The following NEGR1 variants were observed in gnomAD, a reference collection of about 807,000 sequenced individuals.
NEGR1 encodes the protein IgLON family member 4.
Under a neutral mutation model 40.9 loss-of-function variants are expected in NEGR1, and 10 were observed. That is an observed-to-expected ratio of 0.24 (90% CI 0.15 to 0.42). The LOEUF (loss-of-function observed/expected upper bound fraction) is 0.42, where lower values mean the gene tolerates loss of function less well. Among genes scored for constraint, NEGR1 ranks in the 10% least tolerant of loss-of-function variants. The pLI, the probability that NEGR1 is intolerant of heterozygous loss-of-function variation, is 1.00. For synonymous variants in NEGR1, 185 were observed against 166.8 expected (o/e 1.11, Z -0.84); for missense variants, 352 against 438.9 (o/e 0.80, Z 1.77).
intron 2 of NEGR1, among the ~76,000 whole-genome samples, chr1:71,905,823 C>A: frequency 6.9e-6 from 1 of 144,590 alleles, no homozygotes. Flanking sequence ...TTAAAATTCA[C>A]TTATAATTTA....
At chr1:71,648,410 C>T (rs1025732674) in intron 4 of NEGR1, among the ~76,000 whole-genome samples, 2 of 151,990 alleles carry the variant, frequency 1.3e-5, no homozygotes, top group African/African-American at 4.8e-5. Context: ...TTATTTGGTC[C>T]TGTTCTCTCA....
intron 1 of NEGR1, among the ~76,000 whole-genome samples, chr1:71,960,027 C>T (rs1272807225): frequency 6.6e-6 from 1 of 152,076 alleles, no homozygotes; most frequent in Non-Finnish European, 1.5e-5. Context: ...ATTCCTTTAT[C>T]CCTTAGCTCT....
At chr1:72,094,026 A>T (rs1476944661) in intron 1 of NEGR1, among the ~76,000 whole-genome samples, 1 of 152,148 alleles carries the variant, frequency 6.6e-6, no homozygotes, top group Non-Finnish European at 1.5e-5. Context: ...ATTTTGACTT[A>T]TTTCATCCCT....
At chr1:71,915,482 A>G (rs1229448956) in intron 2 of NEGR1, among the ~76,000 whole-genome samples, 2 of 152,072 alleles carry the variant, frequency 1.3e-5, no homozygotes, top group Non-Finnish European at 2.9e-5. Context: ...CTCTTAAAAG[A>G]TATTTATTAT....
In NEGR1 at chr1:71,435,384, CAT is replaced by C. The variant is rs577326720; in HGVS notation, c.941-27816_941-27815del. ...TTGATAATTTTAGAAAGAGAGTTGG[CAT>C]AAAAAAATGCCAAGATAACGAGAGA... is the stretch of plus-strand genomic sequence containing the variant. On this transcript the variant is annotated intron_variant, in intron 6 of 6. Transcript: ENST00000357731. Among the ~76,000 whole-genome samples, 8 of 152,008 alleles carry C rather than the reference CAT, an allele frequency of 5.3e-5. No homozygotes were observed. The South Asian group carries it at 1.7e-3, about 32-fold the overall frequency.
chr1:71,505,220 G>A (rs918084606), intron 6 of NEGR1, among the ~76,000 whole-genome samples: 9 of 152,064 alleles, frequency 5.9e-5, no homozygotes, highest in African/African-American at 1.9e-4. Context: ...AAGATCTAAG[G>A]GCTATAGATC....
At chr1:71,474,850 T>A (rs1207158181) in intron 6 of NEGR1, among the ~76,000 whole-genome samples, 2 of 151,896 alleles carry the variant, frequency 1.3e-5, no homozygotes, top group Non-Finnish European at 2.9e-5. Context: ...TAGTTAACAT[T>A]GCATGCTCAA....
At chr1:71,623,498 A>G (rs1650672708) in intron 4 of NEGR1, among the ~76,000 whole-genome samples, 1 of 151,972 alleles carries the variant, frequency 6.6e-6, no homozygotes, top group South Asian at 2.1e-4. Context: ...GAACTTATGA[A>G]CAAGGGGGGA....
At chr1:71,692,132 C>T (rs896978921) in intron 4 of NEGR1, among the ~76,000 whole-genome samples, 10 of 151,496 alleles carry the variant, frequency 6.6e-5, no homozygotes, top group African/African-American at 2.4e-4. Flanking sequence ...CCTTGATTCT[C>T]TTATAGTAAG....
intron 2 of NEGR1, among the ~76,000 whole-genome samples, chr1:71,929,117 T>C (rs1390558395): frequency 6.6e-6 from 1 of 152,076 alleles, no homozygotes; most frequent in Admixed American, 6.6e-5. Flanking sequence ...TATATGTTCT[T>C]AGAAATGTAG....
intron 3 of NEGR1, among the ~76,000 whole-genome samples, chr1:71,768,904 C>A (rs1656220772): frequency 6.6e-6 from 1 of 151,976 alleles, no homozygotes; most frequent in African/African-American, 2.4e-5. Flanking sequence ...GAGTGTAGAA[C>A]CTCCCCCGAC....
intron 2 of NEGR1, among the ~76,000 whole-genome samples, chr1:71,879,386 T>G (rs970764496): frequency 6.6e-6 from 1 of 152,080 alleles, no homozygotes; most frequent in African/African-American, 2.4e-5. Flanking sequence ...TAAAACAAGA[T>G]AATACTTTTT....
chr1:71,581,381 A>T (rs1649128108), intron 6 of NEGR1, among the ~76,000 whole-genome samples: 1 of 152,200 alleles, frequency 6.6e-6, no homozygotes, highest in African/African-American at 2.4e-5. Flanking sequence ...CGACACAAAA[A>T]ATTGGGGAAA....
At chr1:71,746,175 C>T (rs919312883) in intron 3 of NEGR1, among the ~76,000 whole-genome samples, 5 of 152,174 alleles carry the variant, frequency 3.3e-5, no homozygotes, top group African/African-American at 1.2e-4. Context: ...TTCTTGCTAA[C>T]CTGTCTTTGT....
chr1:71,923,919 C>CT (rs1645745459), intron 2 of NEGR1, among the ~76,000 whole-genome samples: 1 of 144,742 alleles, frequency 6.9e-6, no homozygotes, highest in Non-Finnish European at 1.5e-5. Context: ...TTTTTTTTTT[C>CT]TTTTTTTGTG....
In NEGR1 at chr1:71,404,210, A is replaced by G. The variant is rs2101252085; in HGVS notation, c.*3236T>C. Reference sequence around the variant, plus strand: ...ACCTGGGTAATTTTCTCAGTTCTCCAGTCTACTTTCTAGATATAGCTTAAA... The same window carrying G: ...ACCTGGGTAATTTTCTCAGTTCTCCGGTCTACTTTCTAGATATAGCTTAAA... On this transcript the variant is annotated 3_prime_UTR_variant, in exon 7 of 7. Coordinates refer to ENST00000357731, the MANE Select transcript of NEGR1 (RefSeq NM_173808.3). 6.6e-6 allele frequency: 1 copy of G among 151,368 alleles called. No individual in the cohort carries two copies. Among genetic ancestry groups the G allele is most frequent in the African/African-American group, 2.4e-5 (1 of 41,066 alleles). The allele number at this position is 151,368 out of a possible 1,614,324, so 9.4% of individuals were successfully genotyped here.
intron 1 of NEGR1, among the ~76,000 whole-genome samples, chr1:72,149,879 C>CAAAAAAA (rs1180110033): frequency 2.5e-5 from 1 of 39,350 alleles, no homozygotes; most frequent in African/African-American, 8.5e-5. Flanking sequence ...AAAACTCTGT[C>CAAAAAAA]AAAAAAAAAA....
intron 4 of NEGR1, among the ~76,000 whole-genome samples, chr1:71,653,614 G>C (rs1226157195): frequency 6.6e-6 from 1 of 152,008 alleles, no homozygotes; most frequent in Non-Finnish European, 1.5e-5. Context: ...TACAAAATAA[G>C]TAATATTCAT....
Position 71,537,100 on chromosome 1 carries a change from C to T in NEGR1, c.940+55717G>A, listed in dbSNP as rs936358478. 1.5e-4 allele frequency among the ~76,000 whole-genome samples: 23 copies of T among 151,654 alleles called. 1 individual carries two copies. The highest frequency in any genetic ancestry group is 4.1e-4 in the South Asian group (2 of 4,824). ...AATTACAATTCTGAGAATTATCTAA[C>T]TCCTACTATGTAACAAACACAGTCC... On this transcript the variant is annotated intron_variant, in intron 6 of 6. Transcript: ENST00000357731.
Sources: gnomAD v4.1 joint callset for allele counts (sites outside exome capture counted in the v4.1 genomes callset) on GRCh38, gnomAD v4.1.1 for gene constraint, MANE v1.5 for transcripts, NCBI Gene and HGNC (gene_info 2026-07-23, HGNC 2026-07-21) for gene names.